The following RAB3GAP1 variants were observed in gnomAD, a reference collection of about 807,000 sequenced individuals.
RAB3GAP1 encodes RAB3 GTPase activating protein catalytic subunit 1.
A neutral mutation model predicts 130.7 loss-of-function variants in RAB3GAP1; 86 were observed. That is an observed-to-expected ratio of 0.66 (90% CI 0.55 to 0.79). The LOEUF (loss-of-function observed/expected upper bound fraction) is 0.79. Ranked by LOEUF, RAB3GAP1 falls within the 30% of genes least tolerant of loss-of-function variation. The pLI is 0.00. For missense variants in RAB3GAP1, 1,029 were observed against 1,169.4 expected (o/e 0.88, Z 1.75); for synonymous variants, 367 against 401.7 (o/e 0.91, Z 1.03).
At chr2:135,127,946 A>G (rs1053777425) in intron 11 of RAB3GAP1, among the ~76,000 whole-genome samples, 1 of 151,792 alleles carries the variant, frequency 6.6e-6, no homozygotes, top group Admixed American at 6.6e-5. Context: ...TCCTCCTTAT[A>G]TTTAGTACAC....
rs1357384837 is a variant in RAB3GAP1, at chr2:135,124,034, T to A, written c.749-131T>A. On this transcript the variant is annotated intron_variant, in intron 8 of 23. Transcript: ENST00000264158. ...TTAGACTACATATGCTGTAAGTTGG[T>A]CTAACTTGCTAACTTGCTACATGTG... 17 of 811,030 alleles carry A rather than the reference T, an allele frequency of 2.1e-5. No individual in the cohort carries two copies. The East Asian group carries it at 4.3e-4, about 20-fold the overall frequency. The allele number at this position is 811,030 out of a possible 1,614,324, so 50.2% of individuals were successfully genotyped here. A position where few individuals can be genotyped will look rare whatever the true frequency, so the allele number is the denominator to read the frequency against.
intron 13 of RAB3GAP1, among the ~76,000 whole-genome samples, chr2:135,131,487 C>G (rs1416813199): frequency 6.6e-6 from 1 of 152,192 alleles, no homozygotes; most frequent in Non-Finnish European, 1.5e-5. Context: ...GCCTCGGCCT[C>G]CCAAACTGCT....
chr2:135,059,762 G>A (rs1486066169), intron 3 of RAB3GAP1, among the ~76,000 whole-genome samples: 1 of 152,140 alleles, frequency 6.6e-6, no homozygotes, highest in East Asian at 1.9e-4. Flanking sequence ...AAAGTAGGTA[G>A]CATACTGCCA....
chr2:135,173,389 G>T (rs922818111), downstream of RAB3GAP1, among the ~76,000 whole-genome samples: 1 of 151,960 alleles, frequency 6.6e-6, no homozygotes, highest in African/African-American at 2.4e-5. Context: ...AAGGCAGAAG[G>T]AAAACCAAAC....
chr2:135,097,356 C>T (rs1690329449), intron 5 of RAB3GAP1, among the ~76,000 whole-genome samples: 1 of 151,944 alleles, frequency 6.6e-6, no homozygotes, highest in Non-Finnish European at 1.5e-5. Context: ...TCTAGAACTA[C>T]AGGTGCACAC....
At chr2:135,082,885 G>A (rs1689867654) in intron 3 of RAB3GAP1, among the ~76,000 whole-genome samples, 1 of 152,016 alleles carries the variant, frequency 6.6e-6, no homozygotes, top group African/African-American at 2.4e-5. Context: ...CCCTGTTGTG[G>A]ATACCAAAAT....
At chr2:135,093,026 C>G (rs901400088) in intron 4 of RAB3GAP1, among the ~76,000 whole-genome samples, 1 of 152,158 alleles carries the variant, frequency 6.6e-6, no homozygotes, top group Non-Finnish European at 1.5e-5. Context: ...TATAGATCTG[C>G]TAAGCAATGA....
chr2:135,061,726 G>A (rs1689175101), intron 3 of RAB3GAP1, among the ~76,000 whole-genome samples: 1 of 151,616 alleles, frequency 6.6e-6, no homozygotes. Context: ...CAGTAGTTTT[G>A]CTAGGTTGTG....
At chr2:135,146,298 G>T (rs1356792475) in intron 17 of RAB3GAP1, among the ~76,000 whole-genome samples, 2 of 142,946 alleles carry the variant, frequency 1.4e-5, no homozygotes, top group African/African-American at 5.3e-5. Flanking sequence ...TGCAACTTCT[G>T]CCTGCTGAGT....
chr2:135,070,693 G>C (rs1319372861), intron 3 of RAB3GAP1, among the ~76,000 whole-genome samples: 4 of 151,976 alleles, frequency 2.6e-5, no homozygotes, highest in African/African-American at 7.3e-5. Flanking sequence ...TTTTAGTAGA[G>C]ATGGGGTTTC....
chr2:135,155,201 C>T (rs1438131171), intron 19 of RAB3GAP1, among the ~76,000 whole-genome samples: 1 of 151,928 alleles, frequency 6.6e-6, no homozygotes, highest in Non-Finnish European at 1.5e-5. Context: ...AATGAAACCA[C>T]AACTGATTTA....
intron 9 of RAB3GAP1, among the ~76,000 whole-genome samples, chr2:135,125,200 A>G (rs1691315506): frequency 6.6e-6 from 1 of 152,202 alleles, no homozygotes; most frequent in Non-Finnish European, 1.5e-5. Flanking sequence ...GACATTTCTT[A>G]TAAATGGAAT....
chr2:135,113,080 G>A, intron 5 of RAB3GAP1, 71 bp from the exon 6 acceptor site: 3 of 1,603,064 alleles, frequency 1.9e-6, no homozygotes, highest in Non-Finnish European at 2.6e-6. Flanking sequence ...AAATTTTTTT[G>A]TGCTTTTCAA....
In RAB3GAP1 at chr2:135,052,315, C is replaced by T. The variant is rs371637983; in HGVS notation, c.8C>T (p.Ala3Val). 8.7e-6 allele frequency: 14 copies of T among 1,613,724 alleles called. No homozygotes were observed. Among genetic ancestry groups the T allele is most frequent in the African/African-American group, 4.0e-5 (3 of 74,930 alleles). Residue 3 changes from alanine to valine, a missense_variant, in exon 1 of 24, where the codon GCC becomes GTC. By Grantham distance (64) the Ala-to-Val change is moderately conservative. Around this residue, in one of 3 missense-constraint regions of RAB3GAP1, gnomAD observed 510 missense variants for 532.1 expected, o/e 0.96. Coordinates refer to ENST00000264158, the MANE Select transcript of RAB3GAP1 (RefSeq NM_012233.3). MA[A>V]DSEPESEVFE... ...GGCCCGGCGCTCCTCAAGATGGCTG[C>T]CGACAGTGAGGTGATTTCTTTGCTC...
At chr2:135,154,027 T>A in intron 19 of RAB3GAP1, 151 bp downstream of exon 19, 1 of 772,594 alleles carries the variant, frequency 1.3e-6, no homozygotes, top group Admixed American at 2.2e-5. Context: ...TATTCACATT[T>A]AAGATTCTAG....
chr2:135,162,950 T>C (rs1382880646), intron 21 of RAB3GAP1, 36 bp from the exon 22 acceptor site: 1 of 1,587,720 alleles, frequency 6.3e-7, no homozygotes, highest in South Asian at 1.1e-5. Context: ...TTTTTTGCCA[T>C]CTCGCAATGT....
chr2:135,086,696 T>G (rs1342370569), intron 3 of RAB3GAP1, among the ~76,000 whole-genome samples: 1 of 134,532 alleles, frequency 7.4e-6, no homozygotes, highest in Admixed American at 7.9e-5. Context: ...TCCTTAGAGA[T>G]AGGGTCTTGC....
chr2:135,082,703 A>G (rs1441865316), intron 3 of RAB3GAP1, among the ~76,000 whole-genome samples: 3 of 152,028 alleles, frequency 2.0e-5, no homozygotes, highest in Non-Finnish European at 2.9e-5. Context: ...GGCCTCCCAA[A>G]GTGCTGGAAT....
At chr2:135,150,229 T>G in intron 17 of RAB3GAP1, 140 bp from the exon 18 acceptor site, 2 of 998,320 alleles carry the variant, frequency 2.0e-6, no homozygotes, top group Non-Finnish European at 3.0e-6. Context: ...TCTAAAAAAC[T>G]TATGCATTTC....
Sources: allele counts gnomAD v4.1 joint callset (sites outside exome capture counted in the v4.1 genomes callset), GRCh38; gene constraint gnomAD v4.1.1; regional missense constraint gnomAD v4.1.1; transcripts MANE v1.5; gene names NCBI Gene and HGNC (gene_info 2026-07-23, HGNC 2026-07-21).